The following GFM1 variants were observed in gnomAD, a reference collection of about 807,000 sequenced individuals.
GFM1 encodes G elongation factor mitochondrial 1.
In GFM1, 62 loss-of-function variants were observed where a neutral mutation model predicts 96.2. The ratio of observed to expected loss-of-function variants is 0.64; its 90% CI spans 0.53 to 0.80. The LOEUF (loss-of-function observed/expected upper bound fraction) is 0.80. GFM1 is among the 30% of genes least tolerant of loss of function. The pLI is 0.00. For synonymous variants in GFM1, 282 were observed against 312.9 expected, an observed-to-expected ratio of 0.90 and a Z score of 1.04; for missense variants, 852 against 916.6, an observed-to-expected ratio of 0.93 and a Z score of 0.91.
chr3:158,694,337 A>C lies in GFM1; in HGVS notation c.*2870A>C, dbSNP rs182713178. On this transcript the variant is annotated 3_prime_UTR_variant, in exon 18 of 18. Transcript: ENST00000486715. Reference sequence around the variant, plus strand: ...CATCAAACTAACATAGGAAAAGAAAACCAAATACTGCATGTTCTCACTTAT... The same window carrying C: ...CATCAAACTAACATAGGAAAAGAAACCCAAATACTGCATGTTCTCACTTAT... Among the ~76,000 whole-genome samples, 561 of 152,298 alleles carry C rather than the reference A, an allele frequency of 3.7e-3. 6 individuals carry two copies. The highest frequency in any genetic ancestry group is 0.013 in the African/African-American group (532 of 41,564).
intron 2 of GFM1, 92 bp downstream of exon 2, chr3:158,645,873 T>G: frequency 3.3e-6 from 4 of 1,211,048 alleles, no homozygotes; most frequent in Non-Finnish European, 4.9e-6. Flanking sequence ...CCTGAAAGAT[T>G]AAAACAATGG....
chr3:158,675,301 A>C (rs1323982442), intron 13 of GFM1, among the ~76,000 whole-genome samples: 4 of 145,242 alleles, frequency 2.8e-5, no homozygotes, highest in East Asian at 1.9e-4. Context: ...AAAAAAAAAA[A>C]AAAAAAAAAC....
In GFM1 at chr3:158,691,664, T is replaced by C. The variant is rs1051757390; in HGVS notation, c.*197T>C. The C allele has an allele frequency of 2.6e-5, 14 of 531,074 alleles. No individual in the cohort carries two copies. The Admixed American group carries it at 4.2e-4, about 16-fold the overall frequency. The allele number at this position is 531,074 out of a possible 1,614,324, so 32.9% of individuals were successfully genotyped here. A position where few individuals can be genotyped will look rare whatever the true frequency, so the allele number is the denominator to read the frequency against. ...ATATTCAAAGGTAATTCTATGTCTA[T>C]CTCAACTCTATTGATTGGTTTTATA... On this transcript the variant is annotated 3_prime_UTR_variant, in exon 18 of 18. Coordinates refer to ENST00000486715, the MANE Select transcript of GFM1 (RefSeq NM_024996.7).
chr3:158,687,270 C>G (rs1185260092), intron 15 of GFM1, among the ~76,000 whole-genome samples: 3 of 152,058 alleles, frequency 2.0e-5, no homozygotes, highest in African/African-American at 2.4e-5. Flanking sequence ...CTCAGCTTCC[C>G]AAAGTGTTGG....
intron 13 of GFM1, chr3:158,672,770 T>A: frequency 3.1e-6 from 1 of 324,288 alleles, no homozygotes; most frequent in South Asian, 3.3e-5. Context: ...GAGGCCAGCA[T>A]GCTTGTCAGG....
chr3:158,660,030 A>T (rs1723072400), intron 9 of GFM1, among the ~76,000 whole-genome samples: 1 of 152,182 alleles, frequency 6.6e-6, no homozygotes. Flanking sequence ...GGAAGCTTGG[A>T]GGCACCAATG....
In GFM1 at chr3:158,691,319, T is replaced by G. The variant is rs550578105; in HGVS notation, c.2125-17T>G. Reference sequence around the variant, plus strand: ...AACAAACAAACAAAAAACCCTCTCTTTTTTTTAAATCCCTAGGGAAAGGGA... The same window carrying G: ...AACAAACAAACAAAAAACCCTCTCTGTTTTTTAAATCCCTAGGGAAAGGGA... On this transcript the variant is annotated splice_polypyrimidine_tract_variant and intron_variant, in intron 17 of 17. Coordinates refer to ENST00000486715, the MANE Select transcript of GFM1 (RefSeq NM_024996.7). 1 of 1,613,702 alleles carries G rather than the reference T, an allele frequency of 6.2e-7. No individual in the cohort carries two copies. Among genetic ancestry groups the G allele is most frequent in the African/African-American group, 1.3e-5 (1 of 74,998 alleles).
chr3:158,644,801 G>C, intron 1 of GFM1, 86 bp downstream of exon 1: 2 of 1,122,304 alleles, frequency 1.8e-6, no homozygotes, highest in Non-Finnish European at 2.6e-6. Context: ...GACACCCCCT[G>C]GGTCCTCATG....
Position 158,652,335 on chromosome 3 carries a change from G to C in GFM1, c.840+89G>C, listed in dbSNP as rs192374828. 1.0e-4 allele frequency: 109 copies of C among 1,081,440 alleles called. No individual in the cohort carries two copies. In the African/African-American group the frequency reaches 1.1e-3, roughly 10 times the overall value. The allele number at this position is 1,081,440 out of a possible 1,614,324, so 67.0% of individuals were successfully genotyped here. On this transcript the variant is annotated intron_variant, in intron 6 of 17. Coordinates refer to ENST00000486715, the MANE Select transcript of GFM1 (RefSeq NM_024996.7). ...AGGGGACATGATGCTTTTATGTATG[G>C]GCTTTATTAATGAAATCTCAATACA... is the stretch of plus-strand genomic sequence containing the variant.
In GFM1 at chr3:158,660,885, A is replaced by G. The variant is rs1283373969; in HGVS notation, c.1233A>G (p.Glu411=). 2 of 1,613,318 alleles carry G rather than the reference A, an allele frequency of 1.2e-6. No homozygotes were observed. Among genetic ancestry groups the G allele is most frequent in the Non-Finnish European group, 1.7e-6 (2 of 1,179,388 alleles). The change falls in exon 10 of 18, where the codon GAA becomes GAG. Residue 411 remains glutamate, a synonymous_variant. Transcript: ENST00000486715. ...MHADMMEDVE[E]VYAGDICALF... The stretch of plus-strand genomic sequence containing the variant: ...ATTTGTTTTTTTAGGATGTTGAGGA[A>G]GTATATGCCGGAGACATCTGTGCAT...
chr3:158,672,335 C>T (rs749609421), intron 13 of GFM1: 1 of 1,613,094 alleles, frequency 6.2e-7, no homozygotes, highest in East Asian at 2.2e-5. Context: ...GTCCACCACC[C>T]CCTGCTAAAC....
intron 15 of GFM1, among the ~76,000 whole-genome samples, chr3:158,685,585 A>G (rs929370988): frequency 4.6e-5 from 7 of 152,172 alleles, no homozygotes; most frequent in Non-Finnish European, 1.0e-4. Flanking sequence ...CACACTTCGC[A>G]TCTGTGATCA....
At chr3:158,674,586 A>T (rs1724708601) in intron 13 of GFM1, among the ~76,000 whole-genome samples, 1 of 152,156 alleles carries the variant, frequency 6.6e-6, no homozygotes, top group Non-Finnish European at 1.5e-5. Flanking sequence ...AAAAAATAAG[A>T]CTTTCGGAGA....
rs1376842226 is a variant in GFM1 at position 158,660,969 on chromosome 3, T to C, written c.1317T>C (p.Leu439=). Residue 439 remains leucine (L), a synonymous_variant, in exon 10 of 18, where the codon CTT becomes CTC. Coordinates refer to ENST00000486715, the MANE Select transcript of GFM1 (RefSeq NM_024996.7). ...DTFTDKANSG[L]SMESIHVPDP... is the part of the protein sequence containing the mutation. ...TCACAGACAAAGCCAACAGCGGCCTTTCTATGGTAAGCCATTTAATTTCAA... is the reference window on the plus strand; with the variant it reads ...TCACAGACAAAGCCAACAGCGGCCTCTCTATGGTAAGCCATTTAATTTCAA... 6.2e-7 allele frequency: 1 copy of C among 1,612,598 alleles called. No individual in the cohort carries two copies. The highest frequency in any genetic ancestry group is 1.1e-5 in the South Asian group (1 of 91,056).
intron 13 of GFM1, among the ~76,000 whole-genome samples, chr3:158,677,070 AT>A (rs1224096036): frequency 6.6e-6 from 1 of 152,146 alleles, no homozygotes; most frequent in African/African-American, 2.4e-5. Context: ...TTCTTGTAAT[AT>A]TTCAAACTTT....
intron 13 of GFM1, chr3:158,669,227 A>C (rs916959885): frequency 3.0e-6 from 4 of 1,349,482 alleles, no homozygotes; most frequent in South Asian, 1.4e-5. Context: ...TTTCCTTCGA[A>C]TGTTGTGCAA....
intron 13 of GFM1, chr3:158,671,160 T>C (rs1375310432): frequency 1.7e-6 from 2 of 1,179,566 alleles, no homozygotes; most frequent in Admixed American, 4.5e-5. Context: ...AAAAGGCATG[T>C]CACCATGAAT....
At chr3:158,663,479 T>TA (rs1175388863) in intron 11 of GFM1, among the ~76,000 whole-genome samples, 1 of 150,622 alleles carries the variant, frequency 6.6e-6, no homozygotes, top group African/African-American at 2.5e-5. Context: ...CAGCTGCTAC[T>TA]ACTACATCTA....
intron 14 of GFM1, 63 bp from the exon 15 acceptor site, chr3:158,684,461 T>A: frequency 6.4e-7 from 1 of 1,552,002 alleles, no homozygotes; most frequent in Admixed American, 1.7e-5. Flanking sequence ...ATTTTGGGGT[T>A]CTTGATAATG....
Sources: allele counts gnomAD v4.1 joint callset (sites outside exome capture counted in the v4.1 genomes callset), GRCh38; gene constraint gnomAD v4.1.1; transcripts MANE v1.5; gene names NCBI Gene and HGNC (gene_info 2026-07-23, HGNC 2026-07-21).